SPATA6: variants seen among roughly 807,000 people sequenced by gnomAD.
SPATA6 encodes spermatogenesis associated 6, also known as spermatogenesis-associated protein 6.
In SPATA6, 56 loss-of-function variants were observed where a neutral mutation model predicts 65.3. The ratio of observed to expected loss-of-function variants is 0.86; its 90% CI spans 0.69 to 1.07. The LOEUF (loss-of-function observed/expected upper bound fraction) is 1.07, where lower values mean the gene tolerates loss of function less well. Ranked by LOEUF, SPATA6 falls within the 50% of genes least tolerant of loss-of-function variation. The probability of loss-of-function intolerance (pLI) is 0.00; values close to 1 mark genes in which losing one functional copy is unlikely to be tolerated. For missense variants in SPATA6, 590 were observed against 594.8 expected, an observed-to-expected ratio of 0.99 and a Z score of 0.08; for synonymous variants, 199 against 213.2, an observed-to-expected ratio of 0.93 and a Z score of 0.58.
At chr1:48,387,560 T>A (rs1649607893) in intron 8 of SPATA6, among the ~76,000 whole-genome samples, 1 of 152,114 alleles carries the variant, frequency 6.6e-6, no homozygotes, top group Non-Finnish European at 1.5e-5. Flanking sequence ...AATCCAAGCA[T>A]CCCACCAGTG....
the SPATA6 span, among the ~76,000 whole-genome samples, chr1:48,275,881 T>C: frequency 6.6e-6 from 1 of 152,216 alleles, no homozygotes; most frequent in Admixed American, 6.5e-5. Context: ...TCTTTTTCTA[T>C]TGTTTGGAAT....
At chr1:48,426,600 T>C (rs1006723124) in intron 3 of SPATA6, among the ~76,000 whole-genome samples, 1 of 152,046 alleles carries the variant, frequency 6.6e-6, no homozygotes, top group African/African-American at 2.4e-5. Flanking sequence ...GAAGTTAAAA[T>C]GTTGTCCTGA....
chr1:48,281,841 T>C, the SPATA6 span, among the ~76,000 whole-genome samples: 3 of 152,148 alleles, frequency 2.0e-5, no homozygotes, highest in Admixed American at 2.0e-4. Context: ...CTACTTAAAG[T>C]TCATAAGGAA....
At chr1:48,439,815 G>A (rs1057413124) in intron 3 of SPATA6, among the ~76,000 whole-genome samples, 2 of 152,130 alleles carry the variant, frequency 1.3e-5, no homozygotes, top group African/African-American at 4.8e-5. Flanking sequence ...CCCTGAAAAA[G>A]CAGCAGCTTA....
chr1:48,375,697 G>A (rs559487239), intron 9 of SPATA6, among the ~76,000 whole-genome samples: 2 of 152,108 alleles, frequency 1.3e-5, no homozygotes, highest in Non-Finnish European at 2.9e-5. Flanking sequence ...GACCAACACC[G>A]CCAGACTCAT....
intron 9 of SPATA6, among the ~76,000 whole-genome samples, chr1:48,368,084 G>C (rs915612992): frequency 6.6e-6 from 1 of 152,074 alleles, no homozygotes; most frequent in African/African-American, 2.4e-5. Flanking sequence ...TGAAATTCTG[G>C]GTTGAAAATT....
At chr1:48,413,255 A>C (rs1652434734) in intron 3 of SPATA6, 104 bp from the exon 4 acceptor site, 1 of 396,490 alleles carries the variant, frequency 2.5e-6, no homozygotes, top group Non-Finnish European at 4.4e-6. Flanking sequence ...CACTAGGTAG[A>C]CTACATATAT....
intron 5 of SPATA6, among the ~76,000 whole-genome samples, chr1:48,406,625 TTC>T (rs1397460366): frequency 6.6e-6 from 1 of 152,220 alleles, no homozygotes; most frequent in Non-Finnish European, 1.5e-5. Flanking sequence ...AAGTCAAAGA[TTC>T]TGTTTTTATG....
Position 48,316,775 on chromosome 1 carries a change from T to A in SPATA6, c.1195-10897A>T, listed in dbSNP as rs182504840. On this transcript the variant is annotated intron_variant, in intron 11 of 12. Transcript: ENST00000371847. ...ACAGAATGGGAGAAAATTTTTGCAA[T>A]CTACTAATCTGACAAAGGGCTAATA... Among the ~76,000 whole-genome samples the A allele has an allele frequency of 6.6e-5, 10 of 152,262 alleles. 1 individual carries two copies. In the East Asian group the frequency reaches 1.9e-3, roughly 29 times the overall value.
In SPATA6 at chr1:48,299,327, A is replaced by G. The variant is rs573938267; in HGVS notation, c.1287-434T>C. ...TCGGGAGTTCGAGACTAGCCAGACCAACATGGAGAAACCCCATATCTACTA... is the reference window on the plus strand; with the variant it reads ...TCGGGAGTTCGAGACTAGCCAGACCGACATGGAGAAACCCCATATCTACTA... On this transcript the variant is annotated intron_variant, in intron 12 of 12. Transcript: ENST00000371847. Among the ~76,000 whole-genome samples, 13 of 151,954 alleles carry G rather than the reference A, an allele frequency of 8.6e-5. No homozygotes were observed. In the South Asian group the frequency reaches 2.5e-3, roughly 29 times the overall value.
intron 11 of SPATA6, among the ~76,000 whole-genome samples, chr1:48,352,773 C>T (rs1431583129): frequency 1.3e-5 from 2 of 151,742 alleles, no homozygotes; most frequent in Non-Finnish European, 2.9e-5. Flanking sequence ...CATAGGAAAA[C>T]TACTATGTCA....
At chr1:48,335,219 A>G (rs78373892) in intron 11 of SPATA6, among the ~76,000 whole-genome samples, 1 of 152,288 alleles carries the variant, frequency 6.6e-6, no homozygotes, top group African/African-American at 2.4e-5. Flanking sequence ...AATGCAATTT[A>G]CAGATTCAAT....
chr1:48,385,345 A>G lies in SPATA6; in HGVS notation c.873T>C (p.His291=), dbSNP rs202088180. 4.3e-5 allele frequency: 69 copies of G among 1,608,762 alleles called. 1 individual carries two copies. In the East Asian group the frequency reaches 1.4e-3, roughly 33 times the overall value. The change falls in exon 9 of 13, where the codon CAT becomes CAC. Residue 291 remains histidine (H), a synonymous_variant. Coordinates refer to ENST00000371847, the MANE Select transcript of SPATA6 (RefSeq NM_019073.4). ...RDGWSRVHND[H]SHLGCCRPKD... Reference sequence around the variant, plus strand: ...TGGGTCGGCAGCAGCCAAGATGAGAATGATCTGAAAAAGGAAGTACAAAAC... The same window carrying G: ...TGGGTCGGCAGCAGCCAAGATGAGAGTGATCTGAAAAAGGAAGTACAAAAC...
the SPATA6 span, among the ~76,000 whole-genome samples, chr1:48,267,866 C>A: frequency 2.0e-5 from 3 of 149,512 alleles, no homozygotes; most frequent in Non-Finnish European, 4.4e-5. Context: ...ATTCTCCTGC[C>A]TCAGCCTCCC....
intron 6 of SPATA6, among the ~76,000 whole-genome samples, chr1:48,402,313 C>T (rs2252984): frequency 0.14 from 21,821 of 151,822 alleles, 1,777 homozygotes; most frequent in African/African-American, 0.21. Flanking sequence ...TATGTGTATG[C>T]TATATTTCAG....
chr1:48,325,657 A>C, intron 11 of SPATA6: 1 of 622,470 alleles, frequency 1.6e-6, no homozygotes, highest in Non-Finnish European at 3.0e-6. Flanking sequence ...CCTCCTCTGG[A>C]AGCCCCAGTA....
chr1:48,389,264 G>A (rs1649809507), intron 8 of SPATA6, among the ~76,000 whole-genome samples: 1 of 152,128 alleles, frequency 6.6e-6, no homozygotes, highest in Non-Finnish European at 1.5e-5. Context: ...AATAAAAAAT[G>A]AACAAAACCT....
chr1:48,380,335 C>T (rs907480299), intron 9 of SPATA6, among the ~76,000 whole-genome samples: 1 of 152,104 alleles, frequency 6.6e-6, no homozygotes, highest in African/African-American at 2.4e-5. Context: ...GACAATCTAC[C>T]TCTTGAATAC....
intron 8 of SPATA6, among the ~76,000 whole-genome samples, chr1:48,391,736 GAAC>G (rs1037051254): frequency 1.3e-5 from 2 of 151,960 alleles, no homozygotes; most frequent in Admixed American, 1.3e-4. Flanking sequence ...AACCAAAGTT[GAAC>G]AACAGCAGTA....
Sources: gnomAD v4.1 joint callset for allele counts (sites outside exome capture counted in the v4.1 genomes callset) on GRCh38, gnomAD v4.1.1 for gene constraint, MANE v1.5 for transcripts, NCBI Gene and HGNC (gene_info 2026-07-23, HGNC 2026-07-21) for gene names.